The following PTGFRN variants were observed in gnomAD, a reference collection of about 807,000 sequenced individuals.
PTGFRN encodes prostaglandin F2 receptor inhibitor, also known as prostaglandin F2 receptor negative regulator.
PTGFRN carries 35 observed loss-of-function variants against 83.2 expected under a neutral mutation model. The ratio of observed to expected loss-of-function variants is 0.42; its 90% confidence interval spans 0.32 to 0.56. The LOEUF is 0.56. Among genes scored for constraint, PTGFRN ranks in the 20% least tolerant of loss-of-function variants. PTGFRN has a pLI of 0.11. For synonymous variants in PTGFRN, 519 were observed against 498.6 expected, an observed-to-expected ratio of 1.04 and a Z score of -0.55; for missense variants, 1,051 against 1,179.5, an observed-to-expected ratio of 0.89 and a Z score of 1.60.
chr1:116,915,398 C>T (rs1353013267), intron 1 of PTGFRN, among the ~76,000 whole-genome samples: 3 of 152,142 alleles, frequency 2.0e-5, no homozygotes, highest in Non-Finnish European at 4.4e-5. Flanking sequence ...AGGAGGAAGG[C>T]CAGTGGGAGG....
chr1:116,927,375 A>G (rs1055433784), intron 1 of PTGFRN, among the ~76,000 whole-genome samples: 5 of 152,220 alleles, frequency 3.3e-5, no homozygotes, highest in Non-Finnish European at 7.3e-5. Context: ...CTCAAAGGCC[A>G]CAAAACTGGA....
Position 116,909,967 on chromosome 1 carries a change from C to G in PTGFRN, c.-237C>G. The stretch of plus-strand genomic sequence containing the variant: ...GGCTGCACACTCGGATCGGCGGGGC[C>G]GGCTCCCGGGCCCGGCCGGCTGGAG... On this transcript the variant is annotated 5_prime_UTR_variant, in exon 1 of 9. Transcript: ENST00000393203. 2 of 565,168 alleles carry G rather than the reference C, an allele frequency of 3.5e-6. No homozygotes were observed. Among genetic ancestry groups the G allele is most frequent in the Non-Finnish European group, 6.3e-6 (2 of 319,702 alleles). The allele number at this position is 565,168 out of a possible 1,614,324, so 35.0% of individuals were successfully genotyped here.
At chr1:116,938,546 C>T (rs1238192366) in intron 1 of PTGFRN, among the ~76,000 whole-genome samples, 3 of 152,080 alleles carry the variant, frequency 2.0e-5, no homozygotes. Flanking sequence ...AAGACCTGCC[C>T]CCATAATTCC....
intron 5 of PTGFRN, among the ~76,000 whole-genome samples, chr1:116,962,753 C>T (rs988321291): frequency 6.6e-6 from 1 of 152,202 alleles, no homozygotes; most frequent in African/African-American, 2.4e-5. Context: ...TTCTGTACCG[C>T]TCCGTCTAGT....
chr1:116,942,011 C>T lies in PTGFRN; in HGVS notation c.346C>T (p.His116Tyr), dbSNP rs1430068762. Reference protein sequence around the residue: ...IKNVQPSDQGHYKCSTPSTDA... With the variant: ...IKNVQPSDQGYYKCSTPSTDA... The stretch of plus-strand genomic sequence containing the variant: ...GAACGTCCAGCCTTCAGACCAAGGC[C>T]ACTACAAATGTTCAACCCCCAGCAC... Residue 116 changes from histidine (H) to tyrosine (Y), a missense_variant, in exon 2 of 9, where the codon CAC (histidine) becomes TAC (tyrosine). This residue lies in a region of PTGFRN where 127 missense variants were observed against 168.4 expected (regional missense o/e 0.75). Transcript: ENST00000393203. 1 of 1,614,186 alleles carries T rather than the reference C, an allele frequency of 6.2e-7. No individual in the cohort carries two copies. Among genetic ancestry groups the T allele is most frequent in the Admixed American group, 1.7e-5 (1 of 60,018 alleles).
Position 116,974,309 on chromosome 1 carries a change from C to T in PTGFRN, c.2153C>T (p.Ala718Val), listed in dbSNP as rs773369017. 3.1e-6 allele frequency: 5 copies of T among 1,607,764 alleles called. No homozygotes were observed. The highest frequency in any genetic ancestry group is 4.3e-6 in the Non-Finnish European group (5 of 1,174,344). The change falls in exon 7 of 9, where the codon GCA becomes GTA. Residue 718 changes from alanine to valine, a missense_variant. Coordinates refer to ENST00000393203, the MANE Select transcript of PTGFRN (RefSeq NM_020440.4). The part of the protein sequence containing the change: ...KLFCIITVEG[A>V]ALDPDDMAFD... ...TTCTGTATCATCACTGTCGAGGGAG[C>T]AGCACTGGATCCAGGTACCTCACTC...
At chr1:116,916,288 C>A (rs552536730) in intron 1 of PTGFRN, among the ~76,000 whole-genome samples, 1 of 152,182 alleles carries the variant, frequency 6.6e-6, no homozygotes, top group Non-Finnish European at 1.5e-5. Flanking sequence ...TACTGTTGCT[C>A]TGTCTAGGAT....
At position 116,910,165 on chromosome 1, in the gene PTGFRN, A is replaced by AAGG. The variant is rs771984744; in HGVS notation, c.-29_-27dup. The AAGG allele has an allele frequency of 4.0e-6, 6 of 1,513,440 alleles. No homozygotes were observed. Among genetic ancestry groups the AAGG allele is most frequent in the Admixed American group, 2.0e-5 (1 of 49,598 alleles). The allele number at this position is 1,513,440 out of a possible 1,614,324, so 93.8% of individuals were successfully genotyped here. A position where few individuals can be genotyped will look rare whatever the true frequency, so the allele number is the denominator to read the frequency against. On this transcript the variant is annotated 5_prime_UTR_variant, in exon 1 of 9. Transcript: ENST00000393203. ...AGGAGGAGGAGGAGAGGCGGCGGGG[A>AAGG]AGGAGGAGGAGGGGGAGAGTCGCTC...
chr1:116,980,916 G>A (rs573064777), intron 7 of PTGFRN, among the ~76,000 whole-genome samples: 1 of 152,198 alleles, frequency 6.6e-6, no homozygotes, highest in South Asian at 2.1e-4. Context: ...TGAGGACATG[G>A]GCAAGAAATA....
At position 116,918,360 on chromosome 1, in the gene PTGFRN, T is replaced by G. The variant is rs923700792; in HGVS notation, c.49+8108T>G. Among the ~76,000 whole-genome samples the G allele has an allele frequency of 6.6e-5, 10 of 152,192 alleles. No homozygotes were observed. Among genetic ancestry groups the G allele is most frequent in the African/African-American group, 2.4e-4 (10 of 41,450 alleles). On this transcript the variant is annotated intron_variant, in intron 1 of 8. Coordinates refer to ENST00000393203, the MANE Select transcript of PTGFRN (RefSeq NM_020440.4). This position sits in a 1 kb window ranked among gnomAD's most constrained non-coding sequence, Gnocchi z 4.1. ...AATACCTCTCTTGGAGGTTTTTCCA[T>G]GAAGATTAAAAACAATATATTTAGA... is the stretch of plus-strand genomic sequence containing the variant.
chr1:116,944,788 G>T lies in PTGFRN; in HGVS notation c.528G>T (p.Pro176=), dbSNP rs772694537. ...GCTGCACCGCCGCCTCCGCCTCGCC[G>T]CTGCACACGCACCTGGCGCTGCTGT... The part of the protein sequence containing the change: ...ELRCTAASAS[P]LHTHLALLWE... The change falls in exon 3 of 9, where the codon CCG becomes CCT. Residue 176 remains proline (P), a synonymous_variant. Transcript: ENST00000393203. 5.8e-6 allele frequency: 9 copies of T among 1,563,224 alleles called. No individual in the cohort carries two copies. Among genetic ancestry groups the T allele is most frequent in the African/African-American group, 5.4e-5 (4 of 73,998 alleles).
chr1:116,927,566 C>A (rs937324837), intron 1 of PTGFRN, among the ~76,000 whole-genome samples: 1 of 141,450 alleles, frequency 7.1e-6, no homozygotes, highest in African/African-American at 2.9e-5. Flanking sequence ...TCGACCTGTT[C>A]CCTGTTGCCC....
chr1:116,969,160 T>C (rs1650923883), intron 6 of PTGFRN, among the ~76,000 whole-genome samples: 1 of 151,936 alleles, frequency 6.6e-6, no homozygotes, highest in African/African-American at 2.4e-5. Flanking sequence ...GTTTTTGCTA[T>C]GTCTAAGAAA....
In PTGFRN at chr1:116,926,814, A is replaced by G. The variant is rs537897920; in HGVS notation, c.50-14901A>G. The stretch of plus-strand genomic sequence containing the variant: ...ATAAATATTGTGGAATAACACATGT[A>G]TTAGAGGAATTAGACCTTACACAAT... On this transcript the variant is annotated intron_variant, in intron 1 of 8. Coordinates refer to ENST00000393203, the MANE Select transcript of PTGFRN (RefSeq NM_020440.4). Among the ~76,000 whole-genome samples, 8 of 152,294 alleles carry G rather than the reference A, an allele frequency of 5.3e-5. No homozygotes were observed. In the East Asian group the frequency reaches 1.5e-3, roughly 29 times the overall value.
At chr1:116,976,167 T>A (rs1401012724) in intron 7 of PTGFRN, among the ~76,000 whole-genome samples, 1 of 151,988 alleles carries the variant, frequency 6.6e-6, no homozygotes, top group Non-Finnish European at 1.5e-5. Flanking sequence ...AAGAGAAGTT[T>A]AGAGAAAAAA....
intron 1 of PTGFRN, among the ~76,000 whole-genome samples, chr1:116,915,398 C>G (rs1353013267): frequency 6.6e-6 from 1 of 152,142 alleles, no homozygotes; most frequent in African/African-American, 2.4e-5. Context: ...AGGAGGAAGG[C>G]CAGTGGGAGG....
intron 1 of PTGFRN, among the ~76,000 whole-genome samples, chr1:116,925,985 C>T (rs113909774): frequency 8.9e-4 from 136 of 152,346 alleles, no homozygotes; most frequent in African/African-American, 3.2e-3. Context: ...GTACTCCTTA[C>T]TGAGCCTCAT....
chr1:116,930,453 ACTCC>A (rs1649767059), intron 1 of PTGFRN, among the ~76,000 whole-genome samples: 1 of 150,712 alleles, frequency 6.6e-6, no homozygotes, highest in South Asian at 2.1e-4. Context: ...TTTACCCCCC[ACTCC>A]CTCCGTGCAT....
chr1:116,962,885 C>T (rs1175450586), intron 5 of PTGFRN, among the ~76,000 whole-genome samples: 1 of 152,182 alleles, frequency 6.6e-6, no homozygotes, highest in Admixed American at 6.5e-5. Flanking sequence ...ATTTGTAGTC[C>T]AGCGTACACC....
Sources: gnomAD v4.1 joint callset for allele counts (sites outside exome capture counted in the v4.1 genomes callset) on GRCh38, gnomAD v4.1.1 for gene constraint, gnomAD v4.1.1 regional missense constraint, Gnocchi (gnomAD v3.1) non-coding constraint, MANE v1.5 for transcripts, NCBI Gene and HGNC (gene_info 2026-07-23, HGNC 2026-07-21) for gene names.